The following SLC41A2 variants were observed in gnomAD, a reference collection of about 807,000 sequenced individuals.
The protein encoded by SLC41A2 is solute carrier family 41 member 2, also known as SLC41A1-like 1.
In SLC41A2, 32 loss-of-function variants were observed where a neutral mutation model predicts 58.3. The ratio of observed to expected loss-of-function variants is 0.55; its 90% CI spans 0.41 to 0.74. SLC41A2 has a LOEUF of 0.74. Ranked by LOEUF, SLC41A2 falls within the 30% of genes least tolerant of loss-of-function variation. The pLI is 0.00. For missense variants in SLC41A2, 514 were observed against 680.6 expected, an observed-to-expected ratio of 0.76 and a Z score of 2.72; for synonymous variants, 190 against 235.0, an observed-to-expected ratio of 0.81 and a Z score of 1.75.
intron 3 of SLC41A2, among the ~76,000 whole-genome samples, chr12:104,901,464 C>G (rs754025865): frequency 2.0e-5 from 3 of 152,048 alleles, no homozygotes; most frequent in Admixed American, 1.3e-4. Context: ...CAAGTTTTGA[C>G]TCAAGTAAGA....
intron 2 of SLC41A2, among the ~76,000 whole-genome samples, chr12:104,916,114 T>A (rs2046307528): frequency 6.6e-6 from 1 of 152,208 alleles, no homozygotes; most frequent in African/African-American, 2.4e-5. Flanking sequence ...ATCCCAGGGA[T>A]GAAGCCCACT....
chr12:104,900,791 G>A (rs1412138423), intron 3 of SLC41A2, among the ~76,000 whole-genome samples: 2 of 152,154 alleles, frequency 1.3e-5, no homozygotes. Flanking sequence ...TCTAAATTGT[G>A]CCATAGTTAT....
At chr12:104,934,884 T>G (rs1406398497) in intron 1 of SLC41A2, among the ~76,000 whole-genome samples, 1 of 151,980 alleles carries the variant, frequency 6.6e-6, no homozygotes, top group Non-Finnish European at 1.5e-5. Flanking sequence ...GGAAGAGGAA[T>G]GGGGAAAGGA....
chr12:104,808,854 TAG>T (rs2041047099), intron 10 of SLC41A2, among the ~76,000 whole-genome samples: 1 of 152,222 alleles, frequency 6.6e-6, no homozygotes, highest in Admixed American at 6.5e-5. Context: ...TTTATTTGCG[TAG>T]AGGTGTTTAT....
At chr12:104,924,901 A>C (rs1385738917) in intron 2 of SLC41A2, among the ~76,000 whole-genome samples, 1 of 152,230 alleles carries the variant, frequency 6.6e-6, no homozygotes, top group Admixed American at 6.5e-5. Context: ...AGGGAAAAAA[A>C]GCCACACACA....
chr12:104,871,932 G>A (rs1320773649), intron 6 of SLC41A2, among the ~76,000 whole-genome samples: 2 of 152,142 alleles, frequency 1.3e-5, no homozygotes, highest in African/African-American at 4.8e-5. Flanking sequence ...TGTCACAAGA[G>A]AAGTGTCAAT....
chr12:104,909,364 G>A (rs1014226852), intron 3 of SLC41A2, among the ~76,000 whole-genome samples: 1 of 151,860 alleles, frequency 6.6e-6, no homozygotes, highest in Non-Finnish European at 1.5e-5. Flanking sequence ...ACCAACCATC[G>A]AACCACAAAG....
intron 1 of SLC41A2, among the ~76,000 whole-genome samples, chr12:104,957,157 A>G (rs971099749): frequency 6.6e-6 from 1 of 150,394 alleles, no homozygotes; most frequent in African/African-American, 2.4e-5. Flanking sequence ...ACTGATGAAT[A>G]AACAAATGTG....
At chr12:104,940,598 CT>C (rs1269784094) in intron 1 of SLC41A2, among the ~76,000 whole-genome samples, 141 of 143,662 alleles carry the variant, frequency 9.8e-4, no homozygotes, top group African/African-American at 9.4e-4. Context: ...CTTTTATCTC[CT>C]TTTTTTTTTT....
intron 10 of SLC41A2, among the ~76,000 whole-genome samples, chr12:104,825,467 C>A (rs935721380): frequency 1.7e-4 from 26 of 152,306 alleles, no homozygotes; most frequent in Admixed American, 1.2e-3. Flanking sequence ...TTAGAGGAAC[C>A]CAGTTGCACT....
chr12:104,892,330 AT>A (rs1446619093), intron 4 of SLC41A2, among the ~76,000 whole-genome samples: 12 of 148,436 alleles, frequency 8.1e-5, no homozygotes, highest in South Asian at 2.1e-4. Flanking sequence ...ATAAAATAAA[AT>A]AAAATATTGA....
chr12:104,912,654 A>T (rs914477836), intron 2 of SLC41A2, among the ~76,000 whole-genome samples: 1 of 152,192 alleles, frequency 6.6e-6, no homozygotes, highest in Non-Finnish European at 1.5e-5. Flanking sequence ...TGTTTGCCTG[A>T]GTTCTGTGAG....
At chr12:104,815,218 C>G (rs2041341236) in intron 10 of SLC41A2, among the ~76,000 whole-genome samples, 1 of 152,310 alleles carries the variant, frequency 6.6e-6, no homozygotes, top group East Asian at 1.9e-4. Flanking sequence ...GCAGACACTT[C>G]TTAAATGCAA....
At chr12:104,947,857 T>G (rs1039321296) in intron 1 of SLC41A2, among the ~76,000 whole-genome samples, 1 of 152,132 alleles carries the variant, frequency 6.6e-6, no homozygotes, top group Non-Finnish European at 1.5e-5. Flanking sequence ...CTAAATAACA[T>G]TTTTATAATT....
intron 2 of SLC41A2, among the ~76,000 whole-genome samples, chr12:104,926,545 G>A (rs1350704453): frequency 1.3e-5 from 2 of 151,134 alleles, no homozygotes; most frequent in Non-Finnish European, 2.9e-5. Context: ...CCAAGATCAC[G>A]CCACTGCACT....
At chr12:104,909,971 TG>T (rs2046008391) in intron 2 of SLC41A2, among the ~76,000 whole-genome samples, 1 of 152,158 alleles carries the variant, frequency 6.6e-6, no homozygotes, top group Non-Finnish European at 1.5e-5. Flanking sequence ...CTGTTAGAGT[TG>T]GGGGTCAGCT....
Position 104,899,053 on chromosome 12 carries a change from T to C in SLC41A2, c.664-3708A>G, listed in dbSNP as rs533955516. On this transcript the variant is annotated intron_variant, in intron 3 of 10. Coordinates refer to ENST00000258538, the MANE Select transcript of SLC41A2 (RefSeq NM_001352171.3). ...AGGCCTTTGCTAGGCCTACTGTTAC[T>C]AGATTAGTTGACCTGATGGTGGGAA... Among the ~76,000 whole-genome samples the C allele has an allele frequency of 2.0e-5, 3 of 152,330 alleles. No individual in the cohort carries two copies. In the South Asian group the frequency reaches 6.2e-4, roughly 32 times the overall value.
At position 104,838,910 on chromosome 12, in the gene SLC41A2, A is replaced by AT. The variant is rs2042307148; in HGVS notation, c.1536+5561_1536+5562insA. Among the ~76,000 whole-genome samples the AT allele has an allele frequency of 5.3e-5, 8 of 152,306 alleles. No individual in the cohort carries two copies. In the South Asian group the frequency reaches 1.7e-3, roughly 32 times the overall value. On this transcript the variant is annotated intron_variant, in intron 10 of 10. Coordinates refer to ENST00000258538, the MANE Select transcript of SLC41A2 (RefSeq NM_001352171.3). ...GCACACTATATGTACTATATACTTG[A>AT]CAAAATCCTGATATTTACAATTCTC...
chr12:104,878,407 C>A (rs1212654768), intron 6 of SLC41A2, among the ~76,000 whole-genome samples: 2 of 151,386 alleles, frequency 1.3e-5, no homozygotes, highest in Non-Finnish European at 2.9e-5. Context: ...TGCTGTGCTG[C>A]ACCCATTAAC....
Sources: allele counts gnomAD v4.1 joint callset (sites outside exome capture counted in the v4.1 genomes callset), GRCh38; gene constraint gnomAD v4.1.1; transcripts MANE v1.5; gene names NCBI Gene and HGNC (gene_info 2026-07-23, HGNC 2026-07-21).